The following ARHGAP26 variants were observed in gnomAD, a reference collection of about 807,000 sequenced individuals.
The protein encoded by ARHGAP26 is Rho GTPase activating protein 26.
A neutral mutation model predicts 104.8 loss-of-function variants in ARHGAP26; 38 were observed. The observed-to-expected ratio is 0.36, with a 90% CI of 0.28 to 0.48. The LOEUF (loss-of-function observed/expected upper bound fraction) is 0.48. Ranked by LOEUF, ARHGAP26 falls within the 20% of genes least tolerant of loss-of-function variation. The pLI is 0.99. For synonymous variants in ARHGAP26, 341 were observed against 340.0 expected (o/e 1.00, Z -0.03); for missense variants, 704 against 947.9 (o/e 0.74, Z 3.38).
chr5:143,105,217 A>C (rs912599786), intron 17 of ARHGAP26, among the ~76,000 whole-genome samples: 3 of 152,002 alleles, frequency 2.0e-5, no homozygotes, highest in Non-Finnish European at 4.4e-5. Context: ...CTCTACTAAA[A>C]ATACAAAAAA....
chr5:143,183,658 A>C (rs1269050860), intron 20 of ARHGAP26, among the ~76,000 whole-genome samples: 1 of 152,162 alleles, frequency 6.6e-6, no homozygotes, highest in Non-Finnish European at 1.5e-5. Flanking sequence ...CACCAGTGGA[A>C]ATTCCCCCGG....
intron 14 of ARHGAP26, among the ~76,000 whole-genome samples, chr5:143,044,360 T>C (rs1395232820): frequency 1.3e-5 from 2 of 152,222 alleles, no homozygotes; most frequent in Non-Finnish European, 2.9e-5. Flanking sequence ...CTTTGTTCTC[T>C]GTGGGAGTGT....
At chr5:142,966,984 CTT>C (rs914208951) in intron 11 of ARHGAP26, among the ~76,000 whole-genome samples, 10 of 152,224 alleles carry the variant, frequency 6.6e-5, no homozygotes, top group African/African-American at 2.4e-4. Flanking sequence ...TATCATAACT[CTT>C]TGTGTGTATA....
At chr5:142,966,965 GC>G (rs1268980650) in intron 11 of ARHGAP26, among the ~76,000 whole-genome samples, 1 of 152,080 alleles carries the variant, frequency 6.6e-6, no homozygotes, top group Non-Finnish European at 1.5e-5. Context: ...GAGGATGTAT[GC>G]ATATTATTAT....
chr5:143,048,558 G>T (rs940285267), intron 14 of ARHGAP26, among the ~76,000 whole-genome samples: 1 of 151,842 alleles, frequency 6.6e-6, no homozygotes, highest in African/African-American at 2.4e-5. Context: ...ACCATGACTG[G>T]CCTATTTTAA....
chr5:142,830,947 A>G (rs942481336), intron 1 of ARHGAP26, among the ~76,000 whole-genome samples: 1 of 152,216 alleles, frequency 6.6e-6, no homozygotes, highest in Non-Finnish European at 1.5e-5. Context: ...GGCAAATATG[A>G]CCTTGCAGAT....
intron 11 of ARHGAP26, among the ~76,000 whole-genome samples, chr5:142,992,621 G>A (rs1164413213): frequency 2.6e-5 from 4 of 151,626 alleles, no homozygotes; most frequent in African/African-American, 9.7e-5. Context: ...TAGAGAAGGG[G>A]TTTCACCATG....
chr5:142,774,642 G>C (rs1376895632), intron 1 of ARHGAP26, among the ~76,000 whole-genome samples: 1 of 152,000 alleles, frequency 6.6e-6, no homozygotes, highest in Non-Finnish European at 1.5e-5. Flanking sequence ...TACATTCTGT[G>C]GATTTTGACA....
intron 14 of ARHGAP26, among the ~76,000 whole-genome samples, chr5:143,044,605 G>A (rs1307241263): frequency 1.3e-5 from 2 of 152,064 alleles, no homozygotes; most frequent in Non-Finnish European, 2.9e-5. Flanking sequence ...GGGTGGGGAC[G>A]GGGTTAGTCC....
At chr5:142,789,872 CTCTT>C (rs1244579766) in intron 1 of ARHGAP26, among the ~76,000 whole-genome samples, 1 of 152,202 alleles carries the variant, frequency 6.6e-6, no homozygotes, top group African/African-American at 2.4e-5. Flanking sequence ...GACCAGGGCA[CTCTT>C]TCTTAATCTC....
intron 1 of ARHGAP26, among the ~76,000 whole-genome samples, chr5:142,825,010 AT>A (rs1488936115): frequency 6.6e-6 from 1 of 152,182 alleles, no homozygotes; most frequent in Admixed American, 6.5e-5. Flanking sequence ...ATTCATTATA[AT>A]TATTCAGTGT....
rs79280768 is a variant in ARHGAP26 at position 142,835,796 on chromosome 5, A to G, written c.155-37604A>G. ...AACCCAATAGTGGTTAGCCACCAAC[A>G]CCAAGAGATGGATAATAATAATTTT... On this transcript the variant is annotated intron_variant, in intron 1 of 22. Coordinates refer to ENST00000645722, the MANE Select transcript of ARHGAP26 (RefSeq NM_001135608.3). Among the ~76,000 whole-genome samples, 851 of 152,326 alleles carry G rather than the reference A, an allele frequency of 5.6e-3. 18 individuals are homozygous for G. The East Asian group carries it at 0.063, about 11-fold the overall frequency.
chr5:143,136,472 C>T (rs1797919840), intron 19 of ARHGAP26, among the ~76,000 whole-genome samples: 1 of 152,200 alleles, frequency 6.6e-6, no homozygotes, highest in Non-Finnish European at 1.5e-5. Context: ...TCCCTCCTTT[C>T]TCAGAGAATA....
intron 1 of ARHGAP26, among the ~76,000 whole-genome samples, chr5:142,801,298 G>T (rs939381808): frequency 2.0e-5 from 3 of 152,104 alleles, no homozygotes; most frequent in Non-Finnish European, 4.4e-5. Flanking sequence ...CTGCACTGTG[G>T]GATAATAAGA....
At chr5:143,160,060 C>CTTTTTTTTTTT (rs200678768) in intron 20 of ARHGAP26, among the ~76,000 whole-genome samples, 1 of 133,986 alleles carries the variant, frequency 7.5e-6, no homozygotes. Context: ...AAAGATTTTT[C>CTTTTTTTTTTT]TTTTTTTTTT....
intron 20 of ARHGAP26, among the ~76,000 whole-genome samples, chr5:143,206,833 G>C (rs1487321100): frequency 6.6e-6 from 1 of 152,230 alleles, no homozygotes; most frequent in Non-Finnish European, 1.5e-5. Context: ...GAAGCTGAAG[G>C]CTCGCTATAA....
chr5:143,132,791 T>C (rs1224939177), intron 18 of ARHGAP26, among the ~76,000 whole-genome samples: 1 of 151,838 alleles, frequency 6.6e-6, no homozygotes, highest in Non-Finnish European at 1.5e-5. Flanking sequence ...AAAGAGATGC[T>C]TAAAAGGTGT....
chr5:143,142,134 C>CTCTT (rs1554249049), intron 19 of ARHGAP26, among the ~76,000 whole-genome samples: 2 of 105,348 alleles, frequency 1.9e-5, no homozygotes, highest in African/African-American at 8.1e-5. Flanking sequence ...CTACTTTTCA[C>CTCTT]TTTTTTTTTT....
intron 1 of ARHGAP26, among the ~76,000 whole-genome samples, chr5:142,824,514 G>A (rs1766835427): frequency 6.6e-6 from 1 of 152,218 alleles, no homozygotes; most frequent in South Asian, 2.1e-4. Flanking sequence ...GTCCCGGCAA[G>A]AGAGCCAGAC....
Sources: gnomAD v4.1 joint callset for allele counts (sites outside exome capture counted in the v4.1 genomes callset) on GRCh38, gnomAD v4.1.1 for gene constraint, MANE v1.5 for transcripts, NCBI Gene and HGNC (gene_info 2026-07-23, HGNC 2026-07-21) for gene names.